The following TPTE variants were observed in gnomAD, a reference collection of about 807,000 sequenced individuals.
TPTE encodes the protein putative tyrosine-protein phosphatase TPTE.
TPTE carries 59 observed loss-of-function variants against 84.1 expected under a neutral mutation model. That is an observed-to-expected ratio of 0.70 (90% confidence interval 0.57 to 0.87). The LOEUF (loss-of-function observed/expected upper bound fraction) is 0.87, where lower values mean the gene tolerates loss of function less well. Among genes scored for constraint, TPTE ranks in the 40% least tolerant of loss-of-function variants. TPTE has a pLI of 0.00. For synonymous variants in TPTE, 130 were observed against 223.5 expected, an observed-to-expected ratio of 0.58 and a Z score of 3.73; for missense variants, 382 against 659.6, an observed-to-expected ratio of 0.58 and a Z score of 4.61.
intron 10 of TPTE, among the ~76,000 whole-genome samples, chr21:10,567,364 G>T (rs1195491687): frequency 6.6e-6 from 1 of 152,304 alleles, no homozygotes; most frequent in Non-Finnish European, 1.5e-5. Context: ...TGCTTGAGGG[G>T]ATAGATACCC....
intron 23 of TPTE, among the ~76,000 whole-genome samples, chr21:10,605,072 A>G (rs1346625912): frequency 2.0e-5 from 3 of 152,422 alleles, no homozygotes; most frequent in African/African-American, 7.2e-5. Flanking sequence ...ACATAAATTA[A>G]AAGAGATATA....
At chr21:10,572,831 G>A (rs2075073329) in intron 14 of TPTE, among the ~76,000 whole-genome samples, 1 of 152,268 alleles carries the variant, frequency 6.6e-6, no homozygotes, top group African/African-American at 2.4e-5. Context: ...CTGTAGTGCA[G>A]ATATACACAT....
intron 10 of TPTE, among the ~76,000 whole-genome samples, 200 bp from the exon 11 acceptor site, chr21:10,567,470 A>G (rs1216890294): frequency 6.8e-6 from 1 of 146,868 alleles, no homozygotes; most frequent in Non-Finnish European, 1.5e-5. Flanking sequence ...ATAAGTGTCA[A>G]ATGATGAATA....
chr21:10,526,051 A>G (rs1297777049), intron 2 of TPTE, among the ~76,000 whole-genome samples: 3 of 152,292 alleles, frequency 2.0e-5, no homozygotes, highest in South Asian at 2.1e-4. Flanking sequence ...TGTTTTGAAC[A>G]TTTTCCCCTG....
chr21:10,533,289 CTT>C (rs2074210254), intron 3 of TPTE, among the ~76,000 whole-genome samples: 1 of 152,426 alleles, frequency 6.6e-6, no homozygotes, highest in African/African-American at 2.4e-5. Flanking sequence ...AAGGCTTTCT[CTT>C]TTATTTTTTC....
In TPTE at chr21:10,542,449, G is replaced by T. The variant is rs11184139; in HGVS notation, c.119+1G>T. On this transcript the variant is annotated splice_donor_variant, in intron 6 of 23. Coordinates refer to ENST00000618007, the MANE Select transcript of TPTE (RefSeq NM_199261.4). LOFTEE classifies it high-confidence loss of function. ...CCGAGGAGGCACCTGCGAAAGAAAG[G>T]TGAGCAATAAATAGTTAAAGTCACC... 6.2e-7 allele frequency: 1 copy of T among 1,608,882 alleles called. No homozygotes were observed. The highest frequency in any genetic ancestry group is 2.2e-5 in the East Asian group (1 of 44,812).
rs2075617425 is a variant in TPTE, at chr21:10,597,851, CTTGTCTTTCAAAGACAAAAT to C, written c.1277-163_1277-144del. Among the ~76,000 whole-genome samples the C allele has an allele frequency of 3.3e-5, 5 of 152,420 alleles. No homozygotes were observed. The South Asian group carries it at 1.0e-3, about 32-fold the overall frequency. ...TAGGAGACAGAACTGGGCTTGAAGGCTTGTCTTTCAAAGACAAAATCCATGCAAGACCAAATAAGTGACTA... is the reference window on the plus strand; with the variant it reads ...TAGGAGACAGAACTGGGCTTGAAGGCCCATGCAAGACCAAATAAGTGACTA... On this transcript the variant is annotated intron_variant, in intron 20 of 23. Transcript: ENST00000618007.
intron 7 of TPTE, among the ~76,000 whole-genome samples, chr21:10,548,042 C>T (rs539097017): frequency 5.9e-5 from 9 of 152,304 alleles, no homozygotes; most frequent in African/African-American, 9.6e-5. Flanking sequence ...ATGCTCCTGG[C>T]GTGCCCAGTA....
intron 17 of TPTE, among the ~76,000 whole-genome samples, chr21:10,589,281 C>T (rs1430459494): frequency 6.6e-6 from 1 of 152,274 alleles, no homozygotes; most frequent in Admixed American, 6.5e-5. Flanking sequence ...CAGCCCTATG[C>T]ACTTCTGCCA....
intron 10 of TPTE, among the ~76,000 whole-genome samples, chr21:10,561,634 A>G (rs1309532835): frequency 6.6e-6 from 1 of 152,304 alleles, no homozygotes; most frequent in Non-Finnish European, 1.5e-5. Context: ...GTGGCCATGG[A>G]TTGATGCTCC....
chr21:10,604,880 A>G (rs368845552), intron 23 of TPTE, among the ~76,000 whole-genome samples: 24 of 152,398 alleles, frequency 1.6e-4, no homozygotes, highest in African/African-American at 5.5e-4. Flanking sequence ...TGTTTTTGTT[A>G]TGAGATTGTT....
intron 7 of TPTE, among the ~76,000 whole-genome samples, chr21:10,550,217 CA>C (rs1163864690): frequency 1.3e-5 from 2 of 152,306 alleles, no homozygotes; most frequent in Admixed American, 6.5e-5. Flanking sequence ...TGAAAACATG[CA>C]AAACCTCCTC....
At chr21:10,599,825 TA>T (rs370430701) in intron 21 of TPTE, among the ~76,000 whole-genome samples, 3,142 of 145,776 alleles carry the variant, frequency 0.022, no homozygotes, top group East Asian at 0.11. Flanking sequence ...GTTAGTTAGT[TA>T]GTTGGTTCTT....
intron 14 of TPTE, among the ~76,000 whole-genome samples, chr21:10,574,331 A>G (rs2075107629): frequency 1.3e-5 from 2 of 152,312 alleles, no homozygotes; most frequent in Admixed American, 1.3e-4. Flanking sequence ...TCTGAACAGG[A>G]CAGGGCTGCA....
intron 6 of TPTE, among the ~76,000 whole-genome samples, chr21:10,543,078 G>A (rs1488055879): frequency 2.5e-5 from 3 of 120,032 alleles, no homozygotes; most frequent in African/African-American, 3.8e-5. Context: ...GCCGGACTGC[G>A]GACTGCAGTG....
At chr21:10,521,904 G>T (rs866254401) in intron 1 of TPTE, among the ~76,000 whole-genome samples, 1 of 151,890 alleles carries the variant, frequency 6.6e-6, no homozygotes, top group Admixed American at 6.5e-5. Context: ...ACTCCGCGAC[G>T]CCTCCCTCCC....
rs2074313038 is a variant in TPTE at position 10,538,740 on chromosome 21, T to A, written c.11+6T>A. 6.2e-7 allele frequency: 1 copy of A among 1,614,076 alleles called. No homozygotes were observed. Among genetic ancestry groups the A allele is most frequent in the Non-Finnish European group, 8.5e-7 (1 of 1,179,880 alleles). ...GAGGCACGTATGAATGAAAGGTGAG[T>A]TATGCGTACGTGTGTCTTTATTTAT... On this transcript the variant is annotated splice_donor_region_variant and intron_variant, in intron 4 of 23. Transcript: ENST00000618007.
At chr21:10,586,847 G>T (rs1317258274) in intron 17 of TPTE, among the ~76,000 whole-genome samples, 161 of 152,088 alleles carry the variant, frequency 1.1e-3, no homozygotes, top group African/African-American at 3.4e-3. Context: ...TTCTACACTG[G>T]TTAGGCTCTG....
intron 8 of TPTE, among the ~76,000 whole-genome samples, chr21:10,554,511 C>G (rs1255397382): frequency 6.6e-6 from 1 of 152,308 alleles, no homozygotes; most frequent in Admixed American, 6.5e-5. Context: ...AATGCATGTT[C>G]TTTGACACAC....
Sources: allele counts gnomAD v4.1 joint callset (sites outside exome capture counted in the v4.1 genomes callset), GRCh38; gene constraint gnomAD v4.1.1; transcripts MANE v1.5; gene names NCBI Gene and HGNC (gene_info 2026-07-23, HGNC 2026-07-21).